IL7: variants seen among roughly 807,000 people sequenced by gnomAD.
IL7 encodes the protein interleukin-7.
IL7 carries 3 observed loss-of-function variants against 21.6 expected under a neutral mutation model. The ratio of observed to expected loss-of-function variants is 0.14; its 90% CI spans 0.06 to 0.36. The LOEUF (loss-of-function observed/expected upper bound fraction) is 0.36, where lower values mean the gene tolerates loss of function less well. Among genes scored for constraint, IL7 ranks in the 10% least tolerant of loss-of-function variants. IL7 has a pLI of 1.00. For synonymous variants in IL7, 62 were observed against 68.1 expected, an observed-to-expected ratio of 0.91 and a Z score of 0.44; for missense variants, 175 against 200.2, an observed-to-expected ratio of 0.87 and a Z score of 0.76.
At chr8:78,693,193 C>A (rs1190129723) in intron 3 of IL7, among the ~76,000 whole-genome samples, 1 of 152,094 alleles carries the variant, frequency 6.6e-6, no homozygotes, top group Non-Finnish European at 1.5e-5. Context: ...AATAAACATA[C>A]GTGTTTATGT....
At chr8:78,753,890 T>C (rs1812260498) in intron 2 of IL7, among the ~76,000 whole-genome samples, 1 of 152,140 alleles carries the variant, frequency 6.6e-6, no homozygotes, top group Non-Finnish European at 1.5e-5. Context: ...AGATGTGTGA[T>C]GCTATTTCTG....
chr8:78,732,324 C>T (rs894938512), downstream of IL7, among the ~76,000 whole-genome samples: 1 of 152,028 alleles, frequency 6.6e-6, no homozygotes, highest in Non-Finnish European at 1.5e-5. Flanking sequence ...ATACAGCTAT[C>T]GCACCAGTGA....
chr8:78,728,982 A>G (rs941086536), downstream of IL7, among the ~76,000 whole-genome samples: 2 of 151,976 alleles, frequency 1.3e-5, no homozygotes, highest in Non-Finnish European at 2.9e-5. Flanking sequence ...AACATTTAAT[A>G]ATTTCCTATT....
At chr8:78,682,189 G>C (rs1431023101) in intron 4 of IL7, among the ~76,000 whole-genome samples, 5 of 152,076 alleles carry the variant, frequency 3.3e-5, no homozygotes, top group Admixed American at 6.5e-5. Flanking sequence ...ATGTTTAGTG[G>C]AGGACACTAG....
At chr8:78,798,249 C>A in intron 1 of IL7, 41 bp from the exon 2 acceptor site, 2 of 1,437,208 alleles carry the variant, frequency 1.4e-6, no homozygotes, top group Non-Finnish European at 1.9e-6. Context: ...AATGTTATAT[C>A]GTATTGCATT....
exon 5 of IL7, chr8:78,675,992 C>A: frequency 1.5e-6 from 1 of 658,844 alleles, no homozygotes; most frequent in Non-Finnish European, 2.4e-6. Flanking sequence ...ATTCTTTGTT[C>A]AAGGGTCTTG....
chr8:78,697,272 C>T (rs1810452514), intron 3 of IL7: 9 of 649,508 alleles, frequency 1.4e-5, no homozygotes, highest in Non-Finnish European at 2.3e-5. Context: ...ACCATCATCA[C>T]CATTCATTTC....
intron 3 of IL7, among the ~76,000 whole-genome samples, chr8:78,693,977 T>A (rs2130525246): frequency 6.6e-6 from 1 of 152,350 alleles, no homozygotes; most frequent in Admixed American, 6.5e-5. Flanking sequence ...CAGCACCATT[T>A]ATTAAATAGG....
At chr8:78,750,388 C>A (rs925540427) in intron 2 of IL7, among the ~76,000 whole-genome samples, 2 of 151,476 alleles carry the variant, frequency 1.3e-5, no homozygotes, top group African/African-American at 2.4e-5. Context: ...TTACTCAGAA[C>A]ATTATAATCA....
chr8:78,721,663 A>G (rs1811240439), intron 3 of IL7, among the ~76,000 whole-genome samples: 4 of 152,016 alleles, frequency 2.6e-5, no homozygotes, highest in Admixed American at 2.6e-4. Flanking sequence ...CAGCAATCTT[A>G]AATTATAAAA....
chr8:78,800,093 A>C (rs559207490), intron 1 of IL7, among the ~76,000 whole-genome samples: 1 of 152,202 alleles, frequency 6.6e-6, no homozygotes, highest in African/African-American at 2.4e-5. Flanking sequence ...CACCTTTCAA[A>C]GTCTCCAATG....
chr8:78,687,945 A>T (rs1810076490), intron 3 of IL7, among the ~76,000 whole-genome samples: 1 of 143,558 alleles, frequency 7.0e-6, no homozygotes, highest in African/African-American at 2.5e-5. Context: ...ATTTTTATAT[A>T]TAAACTATAT....
intron 3 of IL7, chr8:78,723,958 G>T: frequency 5.6e-6 from 1 of 179,404 alleles, no homozygotes; most frequent in South Asian, 1.6e-4. Flanking sequence ...CTGCATCTCT[G>T]ATCTGCATCT....
intron 5 of IL7, among the ~76,000 whole-genome samples, chr8:78,720,063 G>A (rs530552044): frequency 5.2e-4 from 79 of 151,758 alleles, no homozygotes; most frequent in Non-Finnish European, 9.5e-4. Flanking sequence ...AAACATGGAC[G>A]TTTCTAGTTA....
At chr8:78,760,407 A>G in intron 2 of IL7, 1 of 1,602,756 alleles carries the variant, frequency 6.2e-7, no homozygotes, top group Non-Finnish European at 8.5e-7. Flanking sequence ...ACATTAGGAA[A>G]AAACTTGATG....
At chr8:78,714,851 CTTGT>C (rs1262439301), downstream of IL7, among the ~76,000 whole-genome samples, 6 of 151,878 alleles carry the variant, frequency 4.0e-5, no homozygotes, top group African/African-American at 7.3e-5. Flanking sequence ...AATAATGAAA[CTTGT>C]TTGTTTATTT....
At chr8:78,762,707 C>T (rs2130767172) in intron 2 of IL7, among the ~76,000 whole-genome samples, 1 of 151,304 alleles carries the variant, frequency 6.6e-6, no homozygotes, top group Admixed American at 6.6e-5. Flanking sequence ...TCTTGTATCT[C>T]GCTGCATTTT....
chr8:78,792,108 C>T (rs1434496366), intron 2 of IL7, among the ~76,000 whole-genome samples: 1 of 151,970 alleles, frequency 6.6e-6, no homozygotes, highest in East Asian at 1.9e-4. Flanking sequence ...CAATGGATTA[C>T]CATGGAGAGG....
chr8:78,747,588 A>C (rs1417653919), intron 2 of IL7, among the ~76,000 whole-genome samples: 1 of 152,188 alleles, frequency 6.6e-6, no homozygotes, highest in Non-Finnish European at 1.5e-5. Flanking sequence ...CTGGAATTCT[A>C]TCTCAATTGC....
Sources: allele counts gnomAD v4.1 joint callset (sites outside exome capture counted in the v4.1 genomes callset), GRCh38; gene constraint gnomAD v4.1.1; transcripts MANE v1.5; gene names NCBI Gene and HGNC (gene_info 2026-07-23, HGNC 2026-07-21).